The following ZNF197 variants were observed in gnomAD, a reference collection of about 807,000 sequenced individuals.
ZNF197 encodes the protein VHL-associated KRAB-A domain-containing protein.
Under a neutral mutation model 27.4 loss-of-function variants are expected in ZNF197, and 14 were observed. The observed-to-expected ratio is 0.51, with a 90% confidence interval of 0.34 to 0.80. ZNF197 has a LOEUF of 0.80. ZNF197 is among the 30% of genes least tolerant of loss of function. The pLI, the probability that ZNF197 is intolerant of heterozygous loss-of-function variation, is 0.02. For missense variants in ZNF197, 1,090 were observed against 1,222.6 expected (o/e 0.89, Z 1.62); for synonymous variants, 415 against 420.0 (o/e 0.99, Z 0.15).
At position 44,640,728 on chromosome 3, in the gene ZNF197, A is replaced by G. The variant is rs1287906694; in HGVS notation, c.770-1172A>G. 3.3e-5 allele frequency among the ~76,000 whole-genome samples: 5 copies of G among 152,204 alleles called. No individual in the cohort carries two copies. The highest frequency in any genetic ancestry group is 1.2e-4 in the African/African-American group (5 of 41,446). ...TGAATAAGGAAACTGAAGTACCAGC[A>G]TTAGATAGGCTTAAGACACATACCC... On this transcript the variant is annotated intron_variant, in intron 5 of 5. Coordinates refer to ENST00000344387, the MANE Select transcript of ZNF197 (RefSeq NM_006991.5). This position sits in a 1 kb window ranked among gnomAD's most constrained non-coding sequence, Gnocchi z 4.0.
At position 44,644,288 on chromosome 3, in the gene ZNF197, C is replaced by T; in HGVS notation, c.*68C>T. 6.6e-7 allele frequency: 1 copy of T among 1,510,618 alleles called. No individual in the cohort carries two copies. Among genetic ancestry groups the T allele is most frequent in the South Asian group, 1.4e-5 (1 of 72,092 alleles). 93.6% of individuals were successfully genotyped at this position (1,510,618 alleles called of 1,614,324 possible). A position where few individuals can be genotyped will look rare whatever the true frequency, so the allele number is the denominator to read the frequency against. On this transcript the variant is annotated 3_prime_UTR_variant, in exon 6 of 6. Coordinates refer to ENST00000344387, the MANE Select transcript of ZNF197 (RefSeq NM_006991.5). ...ACTGTTGGACAAATGATATATATTT[C>T]TTCTAAGGAAAAAGTTTATTATTTA...
Position 44,645,384 on chromosome 3 carries a change from A to G in ZNF197, c.*1164A>G. The G allele has an allele frequency of 1.0e-6, 1 of 985,442 alleles. No individual in the cohort carries two copies. The highest frequency in any genetic ancestry group is 1.2e-6 in the Non-Finnish European group (1 of 829,922). The allele number at this position is 985,442 out of a possible 1,614,324, so 61.0% of individuals were successfully genotyped here. A position where few individuals can be genotyped will look rare whatever the true frequency, so the allele number is the denominator to read the frequency against. ...ATTTTCATAAGAGGAAGTATGGTGA[A>G]TAGCTAACTGGAATTTAGTGTTCTA... On this transcript the variant is annotated 3_prime_UTR_variant, in exon 6 of 6. Coordinates refer to ENST00000344387, the MANE Select transcript of ZNF197 (RefSeq NM_006991.5).
chr3:44,634,228 T>A (rs935438547), intron 5 of ZNF197, among the ~76,000 whole-genome samples: 15 of 152,190 alleles, frequency 9.9e-5, no homozygotes, highest in African/African-American at 3.6e-4. Context: ...TCTCTTCATA[T>A]GTTTATTGGT....
In ZNF197 at chr3:44,625,156, G is replaced by A. The variant is rs1006215738; in HGVS notation, c.-82+13G>A. On this transcript the variant is annotated intron_variant, in intron 1 of 5. Coordinates refer to ENST00000344387, the MANE Select transcript of ZNF197 (RefSeq NM_006991.5). The stretch of plus-strand genomic sequence containing the variant: ...GCGGGAGCCCCCGGTGAGCGGGGTG[G>A]GCTCGGGGGCGGGTGGGCGTGCAGG... 1 of 152,296 alleles carries A rather than the reference G, an allele frequency of 6.6e-6. No individual in the cohort carries two copies. Among genetic ancestry groups the A allele is most frequent in the Admixed American group, 6.5e-5 (1 of 15,292 alleles). The allele number at this position is 152,296 out of a possible 1,614,324, so 9.4% of individuals were successfully genotyped here.
Position 44,645,505 on chromosome 3 carries a change from C to T in ZNF197, c.*1285C>T, listed in dbSNP as rs987372421. 1 of 985,136 alleles carries T rather than the reference C, an allele frequency of 1.0e-6. No individual in the cohort carries two copies. Among genetic ancestry groups the T allele is most frequent in the Non-Finnish European group, 1.2e-6 (1 of 829,880 alleles). 61.0% of individuals were successfully genotyped at this position (985,136 alleles called of 1,614,324 possible). A position where few individuals can be genotyped will look rare whatever the true frequency, so the allele number is the denominator to read the frequency against. ...ATATGGAAAAAAATGTTATGGCCAGCCATTAACAGTGATGCCAAGGAAAAC... is the reference window on the plus strand; with the variant it reads ...ATATGGAAAAAAATGTTATGGCCAGTCATTAACAGTGATGCCAAGGAAAAC... On this transcript the variant is annotated 3_prime_UTR_variant, in exon 6 of 6. Transcript: ENST00000344387.
intron 3 of ZNF197, 94 bp downstream of exon 3, chr3:44,631,315 G>A: frequency 6.8e-7 from 1 of 1,475,126 alleles, no homozygotes; most frequent in Non-Finnish European, 9.2e-7. Context: ...CTGCTACCCT[G>A]TCTAGGAGTC....
chr3:44,646,331 T>C lies in ZNF197; in HGVS notation c.*2111T>C, dbSNP rs1046532321. ...TAATAATTACAAAGGACATATGTAC[T>C]TTAACAATGGAGAATGCTGTGATTT... On this transcript the variant is annotated 3_prime_UTR_variant, in exon 6 of 6. Coordinates refer to ENST00000344387, the MANE Select transcript of ZNF197 (RefSeq NM_006991.5). The C allele has an allele frequency of 7.1e-6, 7 of 985,344 alleles. No individual in the cohort carries two copies. In the Admixed American group the frequency reaches 3.7e-4, roughly 52 times the overall value. The allele number at this position is 985,344 out of a possible 1,614,324, so 61.0% of individuals were successfully genotyped here. A position where few individuals can be genotyped will look rare whatever the true frequency, so the allele number is the denominator to read the frequency against.
chr3:44,646,382 C>T lies in ZNF197; in HGVS notation c.*2162C>T. The T allele has an allele frequency of 6.4e-7, 1 of 1,570,430 alleles. No homozygotes were observed. Among genetic ancestry groups the T allele is most frequent in the African/African-American group, 1.4e-5 (1 of 73,284 alleles). On this transcript the variant is annotated 3_prime_UTR_variant, in exon 6 of 6. Transcript: ENST00000344387. Reference sequence around the variant, plus strand: ...ACCTCTTCACCGAGTAACAAAATGTCACATTGCTTAGATTGAGACAGCCCA... The same window carrying T: ...ACCTCTTCACCGAGTAACAAAATGTTACATTGCTTAGATTGAGACAGCCCA...
intron 5 of ZNF197, among the ~76,000 whole-genome samples, chr3:44,638,715 A>G (rs1008819993): frequency 6.6e-6 from 1 of 152,118 alleles, no homozygotes; most frequent in Non-Finnish European, 1.5e-5. Context: ...ATTTTTTTGA[A>G]CAGTGTCTTA....
At chr3:44,629,585 G>A (rs1195874855) in intron 2 of ZNF197, 41 bp downstream of exon 2, 2 of 1,512,588 alleles carry the variant, frequency 1.3e-6, no homozygotes, top group Admixed American at 4.6e-5. Context: ...TGGGATGAAA[G>A]GAAGGAAAGA....
In ZNF197 at chr3:44,631,355, C is replaced by G. The variant is rs895654882; in HGVS notation, c.550+134C>G. 7.3e-6 allele frequency: 8 copies of G among 1,098,458 alleles called. No homozygotes were observed. The Admixed American group carries it at 1.5e-4, about 21-fold the overall frequency. 68.0% of individuals were successfully genotyped at this position (1,098,458 alleles called of 1,614,324 possible). A position where few individuals can be genotyped will look rare whatever the true frequency, so the allele number is the denominator to read the frequency against. On this transcript the variant is annotated intron_variant, in intron 3 of 5. Transcript: ENST00000344387. ...ACAGTGCCAATTTCTTTCTGCTGTT[C>G]TGTTGTTCTCTCCTTCTTTCTTGGG...
chr3:44,625,375 A>C (rs1383119991), intron 1 of ZNF197, among the ~76,000 whole-genome samples: 5 of 152,124 alleles, frequency 3.3e-5, no homozygotes, highest in African/African-American at 4.8e-5. Context: ...GTGTTTGTGG[A>C]CCGGTGCTCC....
Position 44,631,143 on chromosome 3 carries a change from G to A in ZNF197, c.472G>A (p.Gly158Ser). The A allele has an allele frequency of 6.2e-7, 1 of 1,614,096 alleles. No homozygotes were observed. Among genetic ancestry groups the A allele is most frequent in the East Asian group, 2.2e-5 (1 of 44,864 alleles). The change falls in exon 3 of 6, where the codon GGC becomes AGC. Residue 158 changes from glycine (G) to serine (S), a missense_variant. By Grantham distance (56) the Gly-to-Ser change is moderately conservative. Coordinates refer to ENST00000344387, the MANE Select transcript of ZNF197 (RefSeq NM_006991.5). Reference protein sequence around the residue: ...PGTTLPPVLPGSHIAAEICPH... With the variant: ...PGTTLPPVLPSSHIAAEICPH... ...AACAACACTTCCTCCTGTACTTCCT[G>A]GCAGCCACATAGCAGCTGAAATTTG... is the stretch of plus-strand genomic sequence containing the variant.
intron 2 of ZNF197, 150 bp downstream of exon 2, chr3:44,629,694 G>A: frequency 1.8e-6 from 2 of 1,091,966 alleles, no homozygotes; most frequent in African/African-American, 1.6e-5. Flanking sequence ...GCAGGTCCAT[G>A]AGTATTCAGA....
intron 5 of ZNF197, among the ~76,000 whole-genome samples, chr3:44,639,723 C>T (rs1275558404): frequency 1.3e-5 from 2 of 151,292 alleles, no homozygotes; most frequent in African/African-American, 4.9e-5. Flanking sequence ...TAGGTACGGG[C>T]TTAGGTAGTG....
intron 2 of ZNF197, chr3:44,630,836 T>C: frequency 1.5e-6 from 1 of 674,882 alleles, no homozygotes; most frequent in Non-Finnish European, 2.7e-6. Context: ...TTCCCACCGT[T>C]GTGTACAGTC....
At position 44,631,849 on chromosome 3, in the gene ZNF197, T is replaced by C. The variant is rs567204500; in HGVS notation, c.551-256T>C. Among the ~76,000 whole-genome samples, 384 of 152,200 alleles carry C rather than the reference T, an allele frequency of 2.5e-3. 2 individuals are homozygous for C. Among genetic ancestry groups the C allele is most frequent in the Non-Finnish European group, 4.7e-3 (319 of 67,994 alleles). On this transcript the variant is annotated intron_variant, in intron 3 of 5. Transcript: ENST00000344387. ...CCGAGTACCTGGGACTACAGGCACGTGCCACCACGCCCAGCTAATTTTTTT... is the reference window on the plus strand; with the variant it reads ...CCGAGTACCTGGGACTACAGGCACGCGCCACCACGCCCAGCTAATTTTTTT...
chr3:44,646,441 GA>G lies in ZNF197; in HGVS notation c.*2226del. 1 of 1,612,906 alleles carries G rather than the reference GA, an allele frequency of 6.2e-7. No individual in the cohort carries two copies. Among genetic ancestry groups the G allele is most frequent in the Non-Finnish European group, 8.5e-7 (1 of 1,179,510 alleles). On this transcript the variant is annotated 3_prime_UTR_variant, in exon 6 of 6. Coordinates refer to ENST00000344387, the MANE Select transcript of ZNF197 (RefSeq NM_006991.5). ...GCCACCTTCTGTGATGTAATAAGCT[GA>G]AAAATGTTCAACCTGAATTTAATCA...
chr3:44,631,708 T>G (rs909637933), intron 3 of ZNF197, among the ~76,000 whole-genome samples: 6 of 108,042 alleles, frequency 5.6e-5, no homozygotes, highest in Admixed American at 2.8e-4. Context: ...GCCATTTTTG[T>G]TTTTTTTTTT....
Sources: gnomAD v4.1 joint callset for allele counts (sites outside exome capture counted in the v4.1 genomes callset) on GRCh38, gnomAD v4.1.1 for gene constraint, Gnocchi (gnomAD v3.1) non-coding constraint, MANE v1.5 for transcripts, NCBI Gene and HGNC (gene_info 2026-07-23, HGNC 2026-07-21) for gene names.